The following C1GALT1 variants were observed in gnomAD, a reference collection of about 807,000 sequenced individuals.
C1GALT1 encodes glycoprotein-N-acetylgalactosamine 3-beta-galactosyltransferase 1.
In C1GALT1, 11 loss-of-function variants were observed where a neutral mutation model predicts 31.0. That is an observed-to-expected ratio of 0.36 (90% CI 0.22 to 0.59). The LOEUF is 0.59. Ranked by LOEUF, C1GALT1 falls within the 20% of genes least tolerant of loss-of-function variation. The probability of loss-of-function intolerance (pLI) is 0.79; values close to 1 mark genes in which losing one functional copy is unlikely to be tolerated. For missense variants in C1GALT1, 424 were observed against 425.2 expected, an observed-to-expected ratio of 1.00 and a Z score of 0.03; for synonymous variants, 175 against 143.6, an observed-to-expected ratio of 1.22 and a Z score of -1.56.
intron 1 of C1GALT1, among the ~76,000 whole-genome samples, chr7:7,232,769 C>T (rs1193368113): frequency 3.3e-5 from 5 of 152,300 alleles, no homozygotes; most frequent in Admixed American, 2.0e-4. Context: ...GGATTACAGG[C>T]GTGAGCCACC....
Position 7,209,800 on chromosome 7 carries a change from G to A in C1GALT1, c.-17-24503G>A, listed in dbSNP as rs574486727. 1.9e-3 allele frequency among the ~76,000 whole-genome samples: 285 copies of A among 152,350 alleles called. 1 individual carries two copies. Among genetic ancestry groups the A allele is most frequent in the Middle Eastern group, 3.4e-3 (1 of 294 alleles). On this transcript the variant is annotated intron_variant, in intron 1 of 3. Transcript: ENST00000436587. ...AACAATAAAGCTTTTTATTTCACCT[G>A]GGTGCAGGCGGGCTGAGTGCGAAAG...
chr7:7,218,736 A>C (rs1186995856), intron 1 of C1GALT1, among the ~76,000 whole-genome samples: 3 of 152,242 alleles, frequency 2.0e-5, no homozygotes, highest in Non-Finnish European at 4.4e-5. Context: ...ACAATATTTA[A>C]CATTTGGAAA....
At chr7:7,215,331 C>T (rs1782187465) in intron 1 of C1GALT1, among the ~76,000 whole-genome samples, 1 of 152,158 alleles carries the variant, frequency 6.6e-6, no homozygotes, top group South Asian at 2.1e-4. Flanking sequence ...AATCCTTCTT[C>T]ATTAATTATA....
intron 1 of C1GALT1, among the ~76,000 whole-genome samples, chr7:7,197,942 CGAT>C (rs1196269442): frequency 6.6e-6 from 1 of 151,966 alleles, no homozygotes; most frequent in African/African-American, 2.4e-5. Context: ...TGGGCTGAGA[CGAT>C]GGGGTTTTCT....
chr7:7,242,373 A>ATCTACATATCCAGTGTGTGTT (rs1180623518), intron 3 of C1GALT1, among the ~76,000 whole-genome samples: 2 of 152,046 alleles, frequency 1.3e-5, no homozygotes, highest in Non-Finnish European at 2.9e-5. Context: ...TTGTCTAAGA[A>ATCTACATATCCAGTGTGTGTT]TCTACATATC....
intron 1 of C1GALT1, among the ~76,000 whole-genome samples, chr7:7,195,802 A>G (rs1035856293): frequency 2.0e-5 from 3 of 152,144 alleles, no homozygotes; most frequent in African/African-American, 4.8e-5. Context: ...GTTGCTGTTT[A>G]TCTTATTTCT....
intron 1 of C1GALT1, among the ~76,000 whole-genome samples, chr7:7,219,485 G>C (rs1441816735): frequency 2.0e-5 from 3 of 151,984 alleles, no homozygotes; most frequent in African/African-American, 7.3e-5. Context: ...TCTCAGTTTT[G>C]TTGTGAATCT....
At chr7:7,219,905 ATCT>A (rs1381185918) in intron 1 of C1GALT1, among the ~76,000 whole-genome samples, 1 of 152,174 alleles carries the variant, frequency 6.6e-6, no homozygotes, top group African/African-American at 2.4e-5. Context: ...ATAAAATGTA[ATCT>A]TCAACAATTT....
chr7:7,237,121 A>G (rs561185282), intron 2 of C1GALT1, among the ~76,000 whole-genome samples: 1 of 152,342 alleles, frequency 6.6e-6, no homozygotes, highest in East Asian at 1.9e-4. Flanking sequence ...AAAAATAAAA[A>G]TTTAGGACTT....
At chr7:7,236,591 G>A (rs1205529326) in intron 2 of C1GALT1, among the ~76,000 whole-genome samples, 2 of 151,602 alleles carry the variant, frequency 1.3e-5, no homozygotes, top group African/African-American at 2.4e-5. Context: ...GTGGGATCTC[G>A]GCTCACTGCA....
chr7:7,185,388 G>C (rs1400617543), intron 1 of C1GALT1, among the ~76,000 whole-genome samples: 2 of 152,186 alleles, frequency 1.3e-5, no homozygotes, highest in Non-Finnish European at 2.9e-5. Context: ...TTCTAGGGCT[G>C]CGGTAACAAA....
At chr7:7,229,134 A>T (rs1379183988) in intron 1 of C1GALT1, among the ~76,000 whole-genome samples, 4 of 152,214 alleles carry the variant, frequency 2.6e-5, no homozygotes, top group Non-Finnish European at 4.4e-5. Flanking sequence ...GTGGTACTGA[A>T]TGGCATTGTG....
At chr7:7,221,006 G>T (rs569198711) in intron 1 of C1GALT1, among the ~76,000 whole-genome samples, 28 of 152,210 alleles carry the variant, frequency 1.8e-4, no homozygotes, top group African/African-American at 6.3e-4. Context: ...AAGTTTGCAG[G>T]ATGGCTTTGA....
chr7:7,192,465 A>G (rs887204020), intron 1 of C1GALT1, among the ~76,000 whole-genome samples: 2 of 152,014 alleles, frequency 1.3e-5, no homozygotes, highest in African/African-American at 2.4e-5. Flanking sequence ...TGTGAATGCC[A>G]TTATTTCATT....
At chr7:7,241,634 T>C (rs1783634425) in intron 3 of C1GALT1, among the ~76,000 whole-genome samples, 1 of 152,052 alleles carries the variant, frequency 6.6e-6, no homozygotes, top group Non-Finnish European at 1.5e-5. Flanking sequence ...GTTACTGTTC[T>C]ACTTGGGCTT....
chr7:7,230,803 A>G (rs1241238439), intron 1 of C1GALT1, among the ~76,000 whole-genome samples: 1 of 151,888 alleles, frequency 6.6e-6, no homozygotes, highest in Non-Finnish European at 1.5e-5. Context: ...CTGGACAGTG[A>G]AATGACTTTA....
intron 1 of C1GALT1, among the ~76,000 whole-genome samples, chr7:7,206,903 T>C (rs1781762109): frequency 6.6e-6 from 1 of 152,220 alleles, no homozygotes; most frequent in Non-Finnish European, 1.5e-5. Context: ...TCTTTGCCTC[T>C]TAGTGGTTTC....
rs1323875359 is a variant in C1GALT1, at chr7:7,238,956, T to C, written c.888+34T>C. ...AGAAATTTTATTACTATGTCAATAC[T>C]TGGACTGACTGAATTTTGTTGATAA... On this transcript the variant is annotated intron_variant, in intron 3 of 3. Coordinates refer to ENST00000436587, the MANE Select transcript of C1GALT1 (RefSeq NM_020156.5). This position sits in a 1 kb window ranked among gnomAD's most constrained non-coding sequence, Gnocchi z 5.2. 1 of 1,506,568 alleles carries C rather than the reference T, an allele frequency of 6.6e-7. No homozygotes were observed. Among genetic ancestry groups the C allele is most frequent in the Non-Finnish European group, 9.0e-7 (1 of 1,106,656 alleles). The allele number at this position is 1,506,568 out of a possible 1,614,324, so 93.3% of individuals were successfully genotyped here.
At chr7:7,201,792 G>C (rs994965154) in intron 1 of C1GALT1, among the ~76,000 whole-genome samples, 17 of 152,142 alleles carry the variant, frequency 1.1e-4, no homozygotes, top group Non-Finnish European at 1.5e-5. Flanking sequence ...CAGGTTTCAC[G>C]CTTCCCTACC....
Sources: allele counts gnomAD v4.1 joint callset (sites outside exome capture counted in the v4.1 genomes callset), GRCh38; gene constraint gnomAD v4.1.1; non-coding constraint Gnocchi (gnomAD v3.1); transcripts MANE v1.5; gene names NCBI Gene and HGNC (gene_info 2026-07-23, HGNC 2026-07-21).